Variants in TXNDC16 observed in about 807,000 individuals in gnomAD.
TXNDC16 encodes the protein thioredoxin domain-containing protein 16.
Under a neutral mutation model 85.6 loss-of-function variants are expected in TXNDC16, and 74 were observed. The observed-to-expected ratio is 0.86, with a 90% confidence interval of 0.72 to 1.05. The LOEUF (loss-of-function observed/expected upper bound fraction) is 1.05. TXNDC16 is among the 50% of genes least tolerant of loss of function. The pLI is 0.00. For synonymous variants in TXNDC16, 335 were observed against 326.5 expected, an observed-to-expected ratio of 1.03 and a Z score of -0.28; for missense variants, 959 against 947.0, an observed-to-expected ratio of 1.01 and a Z score of -0.17.
chr14:52,482,691 A>G (rs912811351), intron 13 of TXNDC16, 131 bp downstream of exon 13: 6 of 683,094 alleles, frequency 8.8e-6, no homozygotes, highest in Admixed American at 3.6e-5. Flanking sequence ...AAATGCTTCA[A>G]TGCACACAGT....
At chr14:52,543,005 A>C (rs2037865701) in intron 3 of TXNDC16, among the ~76,000 whole-genome samples, 1 of 152,204 alleles carries the variant, frequency 6.6e-6, no homozygotes, top group African/African-American at 2.4e-5. Flanking sequence ...AATCTAAAGC[A>C]TTACATTTAA....
At chr14:52,525,676 C>T (rs1359802273) in intron 6 of TXNDC16, among the ~76,000 whole-genome samples, 2 of 149,420 alleles carry the variant, frequency 1.3e-5, no homozygotes, top group Non-Finnish European at 3.0e-5. Flanking sequence ...CCAGGCTGGG[C>T]GACAGAGTGA....
intron 5 of TXNDC16, among the ~76,000 whole-genome samples, chr14:52,537,013 G>C (rs931965319): frequency 6.6e-6 from 1 of 150,796 alleles, no homozygotes; most frequent in Non-Finnish European, 1.5e-5. Context: ...CTGGCAAAAA[G>C]GCTAGAAAAA....
chr14:52,533,496 C>T (rs1413088821), intron 6 of TXNDC16, among the ~76,000 whole-genome samples: 1 of 152,160 alleles, frequency 6.6e-6, no homozygotes, highest in East Asian at 1.9e-4. Context: ...AAAGATCTCT[C>T]AAATACTAAT....
At chr14:52,456,964 TA>T (rs886454600) in intron 17 of TXNDC16, 125 bp downstream of exon 17, 18 of 634,204 alleles carry the variant, frequency 2.8e-5, no homozygotes, top group African/African-American at 1.6e-4. Context: ...TAGAAGGAAA[TA>T]AAAAAAATTT....
At chr14:52,543,720 G>T in intron 2 of TXNDC16, 90 bp from the exon 3 acceptor site, 1 of 757,176 alleles carries the variant, frequency 1.3e-6, no homozygotes, top group Non-Finnish European at 2.1e-6. Flanking sequence ...AAAGTCATTA[G>T]TCACATCATT....
intron 20 of TXNDC16, among the ~76,000 whole-genome samples, chr14:52,434,965 G>A (rs1346260334): frequency 6.6e-6 from 1 of 152,214 alleles, no homozygotes; most frequent in Non-Finnish European, 1.5e-5. Context: ...GAAGTATAAC[G>A]TTGATTCTTT....
At chr14:52,506,527 CTTTTTTTTT>C (rs765293725) in intron 9 of TXNDC16, among the ~76,000 whole-genome samples, 6 of 97,540 alleles carry the variant, frequency 6.2e-5, no homozygotes, top group African/African-American at 1.8e-4. Flanking sequence ...TTCAACAACC[CTTTTTTTTT>C]TTTTTTTTTT....
intron 9 of TXNDC16, among the ~76,000 whole-genome samples, chr14:52,495,978 T>A (rs918788830): frequency 5.9e-5 from 9 of 151,680 alleles, no homozygotes; most frequent in African/African-American, 2.2e-4. Context: ...GCTAACATGG[T>A]GAAACCCCAT....
At chr14:52,433,492 A>C (rs2140096249) in intron 20 of TXNDC16, among the ~76,000 whole-genome samples, 1 of 152,322 alleles carries the variant, frequency 6.6e-6, no homozygotes, top group African/African-American at 2.4e-5. Context: ...TTACATGCTA[A>C]AAAATAATAA....
intron 16 of TXNDC16, among the ~76,000 whole-genome samples, chr14:52,464,019 C>G (rs1001388452): frequency 2.0e-5 from 3 of 152,204 alleles, no homozygotes; most frequent in Non-Finnish European, 4.4e-5. Context: ...CTACATCATT[C>G]TGGCACACCA....
At chr14:52,528,854 T>C (rs1422709296) in intron 6 of TXNDC16, among the ~76,000 whole-genome samples, 2 of 146,200 alleles carry the variant, frequency 1.4e-5, no homozygotes, top group African/African-American at 4.9e-5. Flanking sequence ...TATGTGTGTG[T>C]GTATATATAT....
At chr14:52,497,490 C>T (rs2036558568) in intron 9 of TXNDC16, among the ~76,000 whole-genome samples, 1 of 152,136 alleles carries the variant, frequency 6.6e-6, no homozygotes, top group Admixed American at 6.5e-5. Flanking sequence ...CAGCATTATC[C>T]TGATACTAAA....
At chr14:52,473,139 C>G (rs2035946677) in intron 14 of TXNDC16, among the ~76,000 whole-genome samples, 1 of 152,118 alleles carries the variant, frequency 6.6e-6, no homozygotes, top group Non-Finnish European at 1.5e-5. Context: ...TCGACACATT[C>G]GCTGCCAGCC....
At chr14:52,499,181 T>C (rs1179533258) in intron 9 of TXNDC16, among the ~76,000 whole-genome samples, 2 of 151,994 alleles carry the variant, frequency 1.3e-5, no homozygotes, top group African/African-American at 4.8e-5. Flanking sequence ...TCATAATGGA[T>C]TAAATACCTA....
chr14:52,552,287 C>G (rs1032372904), intron 1 of TXNDC16, 29 bp downstream of exon 1: 1 of 152,508 alleles, frequency 6.6e-6, no homozygotes, highest in African/African-American at 2.4e-5. Flanking sequence ...GCAGAGCCCA[C>G]AGCCTGAAGG....
At chr14:52,511,165 TTAAAA>T in intron 9 of TXNDC16, 70 bp downstream of exon 9, 4 of 1,284,052 alleles carry the variant, frequency 3.1e-6, no homozygotes, top group Non-Finnish European at 4.1e-6. Context: ...AAATTTTATG[TTAAAA>T]TAAGACACAT....
At chr14:52,443,567 A>C (rs779657602) in intron 18 of TXNDC16, among the ~76,000 whole-genome samples, 4 of 152,182 alleles carry the variant, frequency 2.6e-5, no homozygotes, top group Non-Finnish European at 4.4e-5. Flanking sequence ...GACATAGGGA[A>C]CATCATGAAG....
intron 8 of TXNDC16, among the ~76,000 whole-genome samples, 158 bp from the exon 9 acceptor site, chr14:52,511,548 C>T (rs1024978491): frequency 6.6e-6 from 1 of 151,938 alleles, no homozygotes; most frequent in Non-Finnish European, 1.5e-5. Context: ...ACTTGGGCAA[C>T]AAAGAAGATA....
Sources: gnomAD v4.1 joint callset for allele counts (sites outside exome capture counted in the v4.1 genomes callset) on GRCh38, gnomAD v4.1.1 for gene constraint, MANE v1.5 for transcripts, NCBI Gene and HGNC (gene_info 2026-07-23, HGNC 2026-07-21) for gene names.